Variants in RNF157 observed in about 807,000 individuals in gnomAD.
RNF157 encodes the protein E3 ubiquitin ligase RNF157.
RNF157 carries 55 observed loss-of-function variants against 88.3 expected under a neutral mutation model. That is an observed-to-expected ratio of 0.62 (90% CI 0.50 to 0.78). The LOEUF is 0.78. Among genes scored for constraint, RNF157 ranks in the 30% least tolerant of loss-of-function variants. The pLI, the probability that RNF157 is intolerant of heterozygous loss-of-function variation, is 0.00. For synonymous variants in RNF157, 334 were observed against 341.2 expected, an observed-to-expected ratio of 0.98 and a Z score of 0.23; for missense variants, 788 against 860.8, an observed-to-expected ratio of 0.92 and a Z score of 1.06.
Position 76,162,583 on chromosome 17 carries a change from A to G in RNF157, c.761T>C (p.Ile254Thr), listed in dbSNP as rs771199748. 2.5e-6 allele frequency: 4 copies of G among 1,613,442 alleles called. No individual in the cohort carries two copies. The highest frequency in any genetic ancestry group is 3.4e-6 in the Non-Finnish European group (4 of 1,179,802). Reference protein sequence around the residue: ...VSYLLQEIYGIENKYNTQDSK... With the variant: ...VSYLLQEIYGTENKYNTQDSK... Reference sequence around the variant, plus strand: ...ATCTTGTGTGTTGTACTTGTTTTCAATTCCATAGATCTCCTGAAGGAGGTA... The same window carrying G: ...ATCTTGTGTGTTGTACTTGTTTTCAGTTCCATAGATCTCCTGAAGGAGGTA... Residue 254 changes from isoleucine (I) to threonine (T), a missense_variant, in exon 9 of 19, where the codon ATT (isoleucine) becomes ACT (threonine). Transcript: ENST00000269391.
chr17:76,200,375 T>C (rs2069554649), intron 2 of RNF157, among the ~76,000 whole-genome samples: 2 of 152,244 alleles, frequency 1.3e-5, no homozygotes. Flanking sequence ...ATCGATATAA[T>C]GGCATATTAT....
intron 1 of RNF157, among the ~76,000 whole-genome samples, chr17:76,235,923 C>T (rs953597024): frequency 6.6e-6 from 1 of 152,164 alleles, no homozygotes; most frequent in Non-Finnish European, 1.5e-5. Context: ...GCAGGAAGAT[C>T]GCTTGAGCCC....
intron 2 of RNF157, among the ~76,000 whole-genome samples, chr17:76,206,183 G>C (rs1352033391): frequency 6.6e-6 from 1 of 152,084 alleles, no homozygotes. Flanking sequence ...GTGAGCTGTA[G>C]TTGTGCCACT....
In RNF157 at chr17:76,195,044, G is replaced by C; in HGVS notation, c.207+17320C>G. On this transcript the variant is annotated intron_variant, in intron 2 of 18. Transcript: ENST00000269391. The surrounding 1 kb of genome is among the most constrained non-coding windows in gnomAD (Gnocchi z 4.4). The stretch of plus-strand genomic sequence containing the variant: ...AAACAAAACAAAACACAAGAGCAGA[G>C]GGAATGGGAGAGGATATTATAATAA... Among the ~76,000 whole-genome samples the C allele has an allele frequency of 6.6e-6, 1 of 152,022 alleles. No homozygotes were observed. Among genetic ancestry groups the C allele is most frequent in the East Asian group, 1.9e-4 (1 of 5,178 alleles).
intron 2 of RNF157, among the ~76,000 whole-genome samples, chr17:76,190,291 T>A (rs534977521): frequency 6.6e-6 from 1 of 151,882 alleles, no homozygotes; most frequent in Admixed American, 6.6e-5. Context: ...CTCAGCCTCC[T>A]GAATAGCTAG....
chr17:76,194,851 TA>T (rs1341034848), intron 2 of RNF157, among the ~76,000 whole-genome samples: 1 of 151,956 alleles, frequency 6.6e-6, no homozygotes, highest in East Asian at 1.9e-4. Context: ...CCGTCTCTAC[TA>T]AAAATACAAA....
intron 1 of RNF157, chr17:76,226,776 C>T (rs2070095482): frequency 2.5e-6 from 4 of 1,571,368 alleles, no homozygotes; most frequent in African/African-American, 1.4e-5. Context: ...CCCACCAACA[C>T]CTCGTTGCTC....
intron 2 of RNF157, among the ~76,000 whole-genome samples, chr17:76,193,732 G>A (rs939043992): frequency 2.0e-5 from 3 of 152,196 alleles, no homozygotes; most frequent in East Asian, 1.9e-4. Flanking sequence ...AGCCTGATCC[G>A]AAACAATCAG....
At position 76,173,717 on chromosome 17, in the gene RNF157, G is replaced by C; in HGVS notation, c.281C>G (p.Thr94Arg). Residue 94 changes from threonine to arginine, a missense_variant, in exon 3 of 19, where the codon ACA (threonine) becomes AGA (arginine). Thr to Arg is a moderately conservative substitution (Grantham distance 71, BLOSUM62 -1). Transcript: ENST00000269391. ...LRSLVNIRKD[T>R]LRLVKCAEEV... ...GGGAACTTACTTGACGAGCCTCAGT[G>C]TGTCCTTTCGGATATTGACCAGGCT... The C allele has an allele frequency of 6.2e-7, 1 of 1,608,958 alleles. No individual in the cohort carries two copies. Among genetic ancestry groups the C allele is most frequent in the Non-Finnish European group, 8.5e-7 (1 of 1,177,146 alleles).
At position 76,176,722 on chromosome 17, in the gene RNF157, C is replaced by T. The variant is rs1008962044; in HGVS notation, c.208-2932G>A. ...GGAGCAGCGTGGCAGAAGAGCAGCG[C>T]GGTAGGGCAAAGAGGAGCCCCGAGG... On this transcript the variant is annotated intron_variant, in intron 2 of 18. Coordinates refer to ENST00000269391, the MANE Select transcript of RNF157 (RefSeq NM_052916.3). This position sits in a 1 kb window ranked among gnomAD's most constrained non-coding sequence, Gnocchi z 4.2. 3.3e-5 allele frequency among the ~76,000 whole-genome samples: 5 copies of T among 152,192 alleles called. No individual in the cohort carries two copies. The highest frequency in any genetic ancestry group is 6.5e-5 in the Admixed American group (1 of 15,292).
intron 3 of RNF157, among the ~76,000 whole-genome samples, chr17:76,172,446 C>G (rs2069029219): frequency 6.6e-6 from 1 of 151,748 alleles, no homozygotes; most frequent in East Asian, 1.9e-4. Flanking sequence ...ACAAAATTAA[C>G]CGGGCGTGGT....
At chr17:76,218,794 A>T (rs1193331305) in intron 1 of RNF157, among the ~76,000 whole-genome samples, 2 of 151,790 alleles carry the variant, frequency 1.3e-5, no homozygotes, top group Admixed American at 6.6e-5. Flanking sequence ...ATTAGCCGGG[A>T]GTGATGGCAT....
chr17:76,179,834 T>C (rs571703631), intron 2 of RNF157, among the ~76,000 whole-genome samples: 58 of 152,336 alleles, frequency 3.8e-4, no homozygotes, highest in African/African-American at 1.3e-3. Context: ...GGGCCAAGCA[T>C]TTTTCTGAAG....
intron 18 of RNF157, among the ~76,000 whole-genome samples, chr17:76,147,753 A>G (rs1458552049): frequency 1.3e-5 from 2 of 152,198 alleles, no homozygotes; most frequent in Non-Finnish European, 2.9e-5. Context: ...GTGGGTGCTG[A>G]GGGGCCTTCC....
chr17:76,179,010 T>C (rs759268660), intron 2 of RNF157, among the ~76,000 whole-genome samples: 3 of 152,216 alleles, frequency 2.0e-5, no homozygotes, highest in Non-Finnish European at 4.4e-5. Context: ...TTCTCATTCC[T>C]TTCTAAAGTC....
intron 1 of RNF157, among the ~76,000 whole-genome samples, chr17:76,228,791 G>A (rs1205525193): frequency 6.6e-6 from 1 of 151,752 alleles, no homozygotes; most frequent in African/African-American, 2.4e-5. Context: ...CGTGGTGGTG[G>A]GCGCCTGTAA....
Position 76,225,726 on chromosome 17 carries a change from G to A in RNF157, c.89-13244C>T, listed in dbSNP as rs1233204587. ...CAGCAGACACTCTATGTACAAGCAC[G>A]TTGACACTCCTGACCTACCCTCAAC... On this transcript the variant is annotated intron_variant, in intron 1 of 18. Coordinates refer to ENST00000269391, the MANE Select transcript of RNF157 (RefSeq NM_052916.3). The A allele has an allele frequency of 1.7e-5, 25 of 1,490,022 alleles. No individual in the cohort carries two copies. The Admixed American group carries it at 2.6e-4, about 16-fold the overall frequency. The allele number at this position is 1,490,022 out of a possible 1,614,324, so 92.3% of individuals were successfully genotyped here.
intron 3 of RNF157, among the ~76,000 whole-genome samples, chr17:76,168,680 C>T (rs762697608): frequency 6.6e-6 from 1 of 152,130 alleles, no homozygotes; most frequent in Non-Finnish European, 1.5e-5. Flanking sequence ...CCTCTGTCCT[C>T]CTGTAGAAGC....
rs192378973 is a variant in RNF157 at position 76,236,926 on chromosome 17, A to T, written c.88+3227T>A. ...CATTTACACAAGAAACTCTAAAAGA[A>T]TTCCAAAGAAACCAAAAGTGGTTAC... is the stretch of plus-strand genomic sequence containing the variant. On this transcript the variant is annotated intron_variant, in intron 1 of 18. Coordinates refer to ENST00000269391, the MANE Select transcript of RNF157 (RefSeq NM_052916.3). Among the ~76,000 whole-genome samples, 96 of 152,384 alleles carry T rather than the reference A, an allele frequency of 6.3e-4. 1 individual carries two copies. Among genetic ancestry groups the T allele is most frequent in the Middle Eastern group, 3.4e-3 (1 of 294 alleles).
Sources: allele counts gnomAD v4.1 joint callset (sites outside exome capture counted in the v4.1 genomes callset), GRCh38; gene constraint gnomAD v4.1.1; non-coding constraint Gnocchi (gnomAD v3.1); transcripts MANE v1.5; gene names NCBI Gene and HGNC (gene_info 2026-07-23, HGNC 2026-07-21).